SMYD3: variants seen among roughly 807,000 people sequenced by gnomAD.
The protein encoded by SMYD3 is SET and MYND domain containing 3, also known as histone-lysine N-methyltransferase SMYD3.
Under a neutral mutation model 57.7 loss-of-function variants are expected in SMYD3, and 36 were observed. The observed-to-expected ratio is 0.62, with a 90% CI of 0.48 to 0.82. The LOEUF is 0.82. Among genes scored for constraint, SMYD3 ranks in the 40% least tolerant of loss-of-function variants. The probability of loss-of-function intolerance (pLI) is 0.00; values close to 1 mark genes in which losing one functional copy is unlikely to be tolerated. For missense variants in SMYD3, 515 were observed against 538.8 expected, an observed-to-expected ratio of 0.96 and a Z score of 0.44; for synonymous variants, 211 against 195.0, an observed-to-expected ratio of 1.08 and a Z score of -0.68.
chr1:246,244,566 T>C (rs2063671384), intron 5 of SMYD3, among the ~76,000 whole-genome samples: 1 of 152,212 alleles, frequency 6.6e-6, no homozygotes, highest in African/African-American at 2.4e-5. Context: ...AAACCATCCA[T>C]GATATGTACC....
chr1:246,061,873 T>C (rs2060259158), intron 5 of SMYD3, among the ~76,000 whole-genome samples: 1 of 152,182 alleles, frequency 6.6e-6, no homozygotes, highest in African/African-American at 2.4e-5. Context: ...CATTGCCTGA[T>C]CAAGAGGTGG....
chr1:245,828,235 T>C (rs1234914539), intron 10 of SMYD3, among the ~76,000 whole-genome samples: 4 of 152,216 alleles, frequency 2.6e-5, no homozygotes, highest in African/African-American at 9.6e-5. Context: ...CAGAGTAAAG[T>C]GTGAAAGACT....
rs149011945 is a variant in SMYD3, at chr1:246,008,935, G to A, written c.532-78998C>T. 1.8e-3 allele frequency among the ~76,000 whole-genome samples: 268 copies of A among 152,270 alleles called. 2 individuals carry two copies. The highest frequency in any genetic ancestry group is 6.2e-3 in the African/African-American group (258 of 41,544). ...GTCCGGGGATGAAGAATTCGGCTCT[G>A]GAGTCACAGACTCAAGTTCAAGTGC... is the stretch of plus-strand genomic sequence containing the variant. On this transcript the variant is annotated intron_variant, in intron 5 of 11. Transcript: ENST00000490107.
At chr1:245,762,016 C>G (rs966050343) in intron 11 of SMYD3, among the ~76,000 whole-genome samples, 1 of 152,112 alleles carries the variant, frequency 6.6e-6, no homozygotes, top group African/African-American at 2.4e-5. Flanking sequence ...AACCCCTGAC[C>G]TCAGGTGATC....
At chr1:246,138,668 G>A (rs1248192261) in intron 5 of SMYD3, among the ~76,000 whole-genome samples, 11 of 108,318 alleles carry the variant, frequency 1.0e-4, no homozygotes, top group South Asian at 5.0e-4. Flanking sequence ...CTCGTGATCC[G>A]CCCGCCTCGG....
At chr1:246,335,987 A>G (rs2065537473) in intron 2 of SMYD3, among the ~76,000 whole-genome samples, 1 of 152,214 alleles carries the variant, frequency 6.6e-6, no homozygotes, top group African/African-American at 2.4e-5. Flanking sequence ...AGCAACATAA[A>G]AAGAACTATT....
chr1:246,181,866 C>T (rs960199425), intron 5 of SMYD3, among the ~76,000 whole-genome samples: 1 of 152,160 alleles, frequency 6.6e-6, no homozygotes, highest in African/African-American at 2.4e-5. Flanking sequence ...AAAATGAATT[C>T]TAACACTAGC....
intron 5 of SMYD3, among the ~76,000 whole-genome samples, chr1:245,958,826 TG>T (rs1251691060): frequency 6.6e-6 from 1 of 152,184 alleles, no homozygotes; most frequent in African/African-American, 2.4e-5. Flanking sequence ...ATCACCACCC[TG>T]GGGGAGTGGG....
rs2068555934 is a variant in SMYD3 at position 246,507,069 on chromosome 1, T to A, written c.149A>T (p.Asp50Val). The change falls in exon 1 of 12, where the codon GAC becomes GTC. Residue 50 changes from aspartate (D) to valine (V), a missense_variant. Transcript: ENST00000490107. ...CCTTACGCACCCGAGAAGGCAGCGG[T>A]CGCAGACGACGCCACGACTCCCCTT... The part of the protein sequence containing the change: ...VCKGSRGVVC[D>V]RCLLGKEKLM... 6.9e-7 allele frequency: 1 copy of A among 1,456,702 alleles called. No individual in the cohort carries two copies. Among genetic ancestry groups the A allele is most frequent in the South Asian group, 1.3e-5 (1 of 79,142 alleles). 90.2% of individuals were successfully genotyped at this position (1,456,702 alleles called of 1,614,324 possible).
intron 5 of SMYD3, among the ~76,000 whole-genome samples, chr1:246,234,289 A>G (rs888503794): frequency 5.9e-5 from 9 of 151,906 alleles, no homozygotes; most frequent in Non-Finnish European, 8.8e-5. Context: ...ACTGTGATGA[A>G]CATACACCAG....
intron 8 of SMYD3, among the ~76,000 whole-genome samples, chr1:245,872,340 A>G (rs1432432457): frequency 6.6e-6 from 1 of 151,572 alleles, no homozygotes; most frequent in Non-Finnish European, 1.5e-5. Flanking sequence ...CAAGAGCCCA[A>G]AGTTCCCGCC....
chr1:246,310,181 A>G (rs1297018897), intron 5 of SMYD3, among the ~76,000 whole-genome samples: 1 of 148,136 alleles, frequency 6.8e-6, no homozygotes, highest in African/African-American at 2.6e-5. Context: ...GGCAGCTCCA[A>G]TGAACAAGAC....
intron 1 of SMYD3, among the ~76,000 whole-genome samples, chr1:246,467,935 C>G (rs533931615): frequency 6.6e-6 from 1 of 152,268 alleles, no homozygotes; most frequent in Non-Finnish European, 1.5e-5. Flanking sequence ...CCAAGGTGGG[C>G]AGATCGCTTG....
chr1:245,766,169 G>A (rs968407942), intron 10 of SMYD3, among the ~76,000 whole-genome samples: 1 of 151,976 alleles, frequency 6.6e-6, no homozygotes. Context: ...CTTTGGGAGG[G>A]CGAGGTGGGC....
At chr1:246,317,889 G>T (rs971713599) in intron 5 of SMYD3, among the ~76,000 whole-genome samples, 4 of 151,774 alleles carry the variant, frequency 2.6e-5, no homozygotes, top group African/African-American at 4.8e-5. Flanking sequence ...TATTTACAAT[G>T]TGAGCTTTTA....
intron 5 of SMYD3, among the ~76,000 whole-genome samples, chr1:246,294,034 T>G (rs755735802): frequency 3.0e-4 from 46 of 152,268 alleles, no homozygotes; most frequent in Non-Finnish European, 4.9e-4. Context: ...TTCCTCCCAC[T>G]TTACTCCCTC....
Position 245,958,202 on chromosome 1 carries a change from G to T in SMYD3, c.532-28265C>A, listed in dbSNP as rs144644666. 7.9e-5 allele frequency among the ~76,000 whole-genome samples: 12 copies of T among 152,228 alleles called. No homozygotes were observed. In the East Asian group the frequency reaches 2.1e-3, roughly 27 times the overall value. On this transcript the variant is annotated intron_variant, in intron 5 of 11. Coordinates refer to ENST00000490107, the MANE Select transcript of SMYD3 (RefSeq NM_001167740.2). The stretch of plus-strand genomic sequence containing the variant: ...TAAGTGGTGCCAGATATTGAATCCA[G>T]GTTTTTCTGATCCTCATGTTCCAAA...
chr1:246,471,968 T>C (rs2067966950), intron 1 of SMYD3, among the ~76,000 whole-genome samples: 1 of 152,214 alleles, frequency 6.6e-6, no homozygotes, highest in African/African-American at 2.4e-5. Context: ...AAGTAGGTGT[T>C]ACTTGTGATG....
chr1:246,341,778 C>G (rs999960874), intron 2 of SMYD3, among the ~76,000 whole-genome samples: 9 of 152,200 alleles, frequency 5.9e-5, no homozygotes, highest in Admixed American at 5.2e-4. Flanking sequence ...CTATTGCTCA[C>G]TCAAGAACCC....
Sources: allele counts gnomAD v4.1 joint callset (sites outside exome capture counted in the v4.1 genomes callset), GRCh38; gene constraint gnomAD v4.1.1; transcripts MANE v1.5; gene names NCBI Gene and HGNC (gene_info 2026-07-23, HGNC 2026-07-21).